Variants in HPS1 observed in about 807,000 individuals in gnomAD.
HPS1 encodes the protein HPS1 biogenesis of lysosomal organelles complex 3 subunit 1.
In HPS1, 59 loss-of-function variants were observed where a neutral mutation model predicts 90.6. The ratio of observed to expected loss-of-function variants is 0.65; its 90% CI spans 0.53 to 0.81. HPS1 has a LOEUF of 0.81. Among genes scored for constraint, HPS1 ranks in the 30% least tolerant of loss-of-function variants. The pLI, the probability that HPS1 is intolerant of heterozygous loss-of-function variation, is 0.00. For missense variants in HPS1, 849 were observed against 896.7 expected (o/e 0.95, Z 0.68); for synonymous variants, 388 against 384.4 (o/e 1.01, Z -0.11).
At chr10:98,440,221 G>A (rs1056655218) in intron 3 of HPS1, among the ~76,000 whole-genome samples, 15 of 152,038 alleles carry the variant, frequency 9.9e-5, no homozygotes, top group Non-Finnish European at 1.9e-4. Context: ...ATTACTTGGC[G>A]GAATTATAAA....
At chr10:98,426,821 T>C (rs1845669901) in intron 11 of HPS1, among the ~76,000 whole-genome samples, 2 of 152,088 alleles carry the variant, frequency 1.3e-5, no homozygotes, top group South Asian at 4.1e-4. Context: ...CACCCCAAGA[T>C]GTTAATCTCA....
At chr10:98,418,135 T>A in intron 19 of HPS1, 40 bp downstream of exon 19, 1 of 1,352,848 alleles carries the variant, frequency 7.4e-7, no homozygotes, top group Non-Finnish European at 1.0e-6. Flanking sequence ...ATCACCCAAA[T>A]GGGGGCATCT....
chr10:98,444,000 G>T (rs1398194265), intron 2 of HPS1, among the ~76,000 whole-genome samples: 2 of 151,964 alleles, frequency 1.3e-5, no homozygotes, highest in African/African-American at 4.8e-5. Flanking sequence ...TTACACCACT[G>T]CACTCCAGCC....
downstream of HPS1, chr10:98,415,012 C>G (rs779796674): frequency 1.9e-6 from 3 of 1,613,210 alleles, no homozygotes; most frequent in Non-Finnish European, 2.5e-6. Context: ...ACTTTACCTG[C>G]TCCTATCACC....
At position 98,425,483 on chromosome 10, in the gene HPS1, A is replaced by T. The variant is rs987388571; in HGVS notation, c.1335+58T>A. ...CCCTCAGCTGCTGTGGACCGGATGTACCCTGCTGCCAGCCCTGCCTCTTCC... is the reference window on the plus strand; with the variant it reads ...CCCTCAGCTGCTGTGGACCGGATGTTCCCTGCTGCCAGCCCTGCCTCTTCC... On this transcript the variant is annotated intron_variant, in intron 13 of 19. Coordinates refer to ENST00000361490, the MANE Select transcript of HPS1 (RefSeq NM_000195.5). The T allele has an allele frequency of 9.7e-6, 15 of 1,538,562 alleles. No homozygotes were observed. In the East Asian group the frequency reaches 1.2e-4, roughly 12 times the overall value.
At chr10:98,442,054 C>T (rs2136316394) in intron 3 of HPS1, among the ~76,000 whole-genome samples, 1 of 152,238 alleles carries the variant, frequency 6.6e-6, no homozygotes, top group South Asian at 2.1e-4. Flanking sequence ...TTGTAATAGT[C>T]AAAAACTGAA....
Position 98,443,150 on chromosome 10 carries a change from CGA to C in HPS1, c.89_90del (p.Phe30TrpfsTer6). 1.2e-6 allele frequency: 2 copies of C among 1,613,710 alleles called. No homozygotes were observed. Among genetic ancestry groups the C allele is most frequent in the Non-Finnish European group, 1.7e-6 (2 of 1,179,724 alleles). On this transcript the variant is annotated frameshift_variant, in exon 3 of 20. Transcript: ENST00000361490. LOFTEE classifies it high-confidence loss of function. ...TCTTCTTCCTCATTCTCTGACTGCC[CGA>C]ACTTCAGCCGGAGACTCTCTTCAAA... ...QEFEESLRLK[F>X]GQSENEEEEL...
chr10:98,415,282 C>T (rs535388018), downstream of HPS1: 4 of 1,136,474 alleles, frequency 3.5e-6, no homozygotes, highest in African/African-American at 6.3e-5. Context: ...GCATTCTTGG[C>T]CACAGGCCAG....
intron 14 of HPS1, 49 bp downstream of exon 14, chr10:98,424,264 A>G (rs372200328): frequency 1.2e-5 from 16 of 1,357,138 alleles, no homozygotes; most frequent in African/African-American, 2.8e-5. Context: ...CCCAGGGAAC[A>G]GTCCCCTGGG....
chr10:98,430,702 C>T lies in HPS1; in HGVS notation c.669-32G>A. On this transcript the variant is annotated intron_variant, in intron 7 of 19. Coordinates refer to ENST00000361490, the MANE Select transcript of HPS1 (RefSeq NM_000195.5). ...ACACAGGAGCATGGCCACCCATCAG[C>T]ACATGCCCAGCAGGAGACGGGGCAG... is the stretch of plus-strand genomic sequence containing the variant. 3.3e-6 allele frequency: 5 copies of T among 1,525,966 alleles called. No individual in the cohort carries two copies. In the South Asian group the frequency reaches 6.0e-5, roughly 18 times the overall value. The allele number at this position is 1,525,966 out of a possible 1,614,324, so 94.5% of individuals were successfully genotyped here.
intron 6 of HPS1, among the ~76,000 whole-genome samples, chr10:98,432,183 T>A (rs1258722907): frequency 2.6e-5 from 4 of 152,176 alleles, no homozygotes; most frequent in African/African-American, 9.6e-5. Flanking sequence ...ACACAGGGCC[T>A]GGTAGGCTTG....
At chr10:98,423,479 G>A (rs1845174022) in intron 16 of HPS1, 124 bp downstream of exon 16, 2 of 884,256 alleles carry the variant, frequency 2.3e-6, no homozygotes, top group Non-Finnish European at 3.9e-6. Context: ...GAGGTGGTGA[G>A]CAGCTGATGG....
At chr10:98,419,129 G>T (rs566098056) in intron 18 of HPS1, among the ~76,000 whole-genome samples, 2 of 151,928 alleles carry the variant, frequency 1.3e-5, no homozygotes, top group Admixed American at 6.6e-5. Context: ...CTGTGAGGGG[G>T]TAACTGAGAG....
At chr10:98,430,460 G>T (rs973135972) in intron 8 of HPS1, 111 bp downstream of exon 8, 7 of 810,124 alleles carry the variant, frequency 8.6e-6, no homozygotes, top group Non-Finnish European at 1.3e-5. Context: ...ACCCAGAATT[G>T]TGACTTAGAA....
chr10:98,429,393 A>C, intron 10 of HPS1, 180 bp downstream of exon 10: 10 of 1,532,374 alleles, frequency 6.5e-6, no homozygotes, highest in Non-Finnish European at 8.8e-6. Context: ...CCTTGAGTTC[A>C]GGCTGGAGCT....
intron 3 of HPS1, among the ~76,000 whole-genome samples, chr10:98,438,104 G>A (rs1191990712): frequency 6.6e-6 from 1 of 152,252 alleles, no homozygotes; most frequent in Non-Finnish European, 1.5e-5. Flanking sequence ...ATGCTGAACT[G>A]TGAGTCAATT....
chr10:98,414,805 A>G, downstream of HPS1: 1 of 673,410 alleles, frequency 1.5e-6, no homozygotes, highest in Non-Finnish European at 2.3e-6. Context: ...GCCACACAGC[A>G]GAGCCAGCAC....
rs191663682 is a variant in HPS1 at position 98,439,574 on chromosome 10, C to T, written c.117+3550G>A. On this transcript the variant is annotated intron_variant, in intron 3 of 19. Transcript: ENST00000361490. ...TGGAATGGGAACATTTACCCAATGC[C>T]TATACCCCCATTGTGTCTTGGAAGT... Among the ~76,000 whole-genome samples the T allele has an allele frequency of 3.9e-5, 6 of 152,322 alleles. No individual in the cohort carries two copies. The East Asian group carries it at 1.2e-3, about 29-fold the overall frequency.
chr10:98,433,685 T>C (rs570529945), intron 6 of HPS1, among the ~76,000 whole-genome samples: 294 of 152,282 alleles, frequency 1.9e-3, no homozygotes, highest in Admixed American at 3.3e-3. Context: ...AATATAATTT[T>C]GTGGGAAAAG....
Sources: allele counts gnomAD v4.1 joint callset (sites outside exome capture counted in the v4.1 genomes callset), GRCh38; gene constraint gnomAD v4.1.1; transcripts MANE v1.5; gene names NCBI Gene and HGNC (gene_info 2026-07-23, HGNC 2026-07-21).